ERBB4: variants seen among roughly 807,000 people sequenced by gnomAD.
The protein encoded by ERBB4 is erb-b2 receptor tyrosine kinase 4.
A neutral mutation model predicts 158.0 loss-of-function variants in ERBB4; 42 were observed. The ratio of observed to expected loss-of-function variants is 0.27; its 90% CI spans 0.21 to 0.34. ERBB4 has a LOEUF of 0.34. Among genes scored for constraint, ERBB4 ranks in the 10% least tolerant of loss-of-function variants. ERBB4 has a pLI of 1.00. For synonymous variants in ERBB4, 583 were observed against 558.7 expected (o/e 1.04, Z -0.61); for missense variants, 1,333 against 1,624.1 (o/e 0.82, Z 3.08).
chr2:211,716,593 G>A lies in ERBB4; in HGVS notation c.884-2945C>T, dbSNP rs1446927996. 4.7e-5 allele frequency among the ~76,000 whole-genome samples: 7 copies of A among 149,676 alleles called. No individual in the cohort carries two copies. In the East Asian group the frequency reaches 6.1e-4, roughly 13 times the overall value. On this transcript the variant is annotated intron_variant, in intron 7 of 27. Coordinates refer to ENST00000342788, the MANE Select transcript of ERBB4 (RefSeq NM_005235.3). ...CGGGAGGCTGAGGCAGGAGAATGGC[G>A]TGAACCCGGGAGGCGGAGCTTGCAG...
intron 2 of ERBB4, among the ~76,000 whole-genome samples, chr2:212,017,981 GACAACC>G (rs2076565961): frequency 1.3e-5 from 2 of 152,072 alleles, no homozygotes; most frequent in Admixed American, 1.3e-4. Flanking sequence ...CATCAAAGAG[GACAACC>G]ATATGGGAGA....
intron 19 of ERBB4, among the ~76,000 whole-genome samples, chr2:211,596,492 T>C (rs2068633132): frequency 6.6e-6 from 1 of 152,192 alleles, no homozygotes; most frequent in Non-Finnish European, 1.5e-5. Flanking sequence ...AAATGAAATA[T>C]ACACCTTAAC....
At chr2:212,449,308 C>A (rs544005245) in intron 1 of ERBB4, among the ~76,000 whole-genome samples, 1 of 152,012 alleles carries the variant, frequency 6.6e-6, no homozygotes, top group Non-Finnish European at 1.5e-5. Flanking sequence ...TTATTGCCAA[C>A]GATAAGTATC....
intron 1 of ERBB4, among the ~76,000 whole-genome samples, chr2:212,398,536 TA>T (rs765847694): frequency 2.6e-4 from 39 of 152,280 alleles, no homozygotes; most frequent in Admixed American, 3.3e-4. Context: ...ATTGTCACAA[TA>T]AGTTAAGAAT....
chr2:211,606,852 G>T (rs7559841), intron 19 of ERBB4, among the ~76,000 whole-genome samples: 5,103 of 152,170 alleles, frequency 0.034, 230 homozygotes, highest in African/African-American at 0.1. Context: ...TAAAGGCACT[G>T]GGTGCATTGT....
chr2:212,192,605 G>T (rs2082307085), intron 1 of ERBB4, among the ~76,000 whole-genome samples: 1 of 152,054 alleles, frequency 6.6e-6, no homozygotes, highest in African/African-American at 2.4e-5. Flanking sequence ...TAATGCCTTT[G>T]GTCTTAAGCC....
Position 212,538,791 on chromosome 2 carries a change from G to C in ERBB4, c.-261C>G, listed in dbSNP as rs1039934152. On this transcript the variant is annotated 5_prime_UTR_variant, in exon 1 of 28. Coordinates refer to ENST00000342788, the MANE Select transcript of ERBB4 (RefSeq NM_005235.3). ...GCTCGGTGTGTGCGCTTGGCGCTCT[G>C]GGCCGGACTGTGCAGCTATTTCCCC... is the stretch of plus-strand genomic sequence containing the variant. The C allele has an allele frequency of 5.6e-6, 2 of 360,190 alleles. No homozygotes were observed. Among genetic ancestry groups the C allele is most frequent in the Non-Finnish European group, 9.7e-6 (2 of 205,464 alleles). 22.3% of individuals were successfully genotyped at this position (360,190 alleles called of 1,614,324 possible).
chr2:212,474,849 A>C (rs1368514617), intron 1 of ERBB4, among the ~76,000 whole-genome samples: 1 of 49,728 alleles, frequency 2.0e-5, no homozygotes, highest in Non-Finnish European at 4.0e-5. Flanking sequence ...TTGTCAAGAC[A>C]AGGTCTTGCT....
chr2:211,427,755 A>G (rs1445155449), intron 22 of ERBB4, among the ~76,000 whole-genome samples: 1 of 152,022 alleles, frequency 6.6e-6, no homozygotes, highest in Non-Finnish European at 1.5e-5. Context: ...TATTTATTGT[A>G]TTCAGAGTTA....
chr2:212,180,375 C>T (rs184770216), intron 1 of ERBB4, among the ~76,000 whole-genome samples: 8 of 151,682 alleles, frequency 5.3e-5, no homozygotes, highest in African/African-American at 1.9e-4. Flanking sequence ...ACAATCATAG[C>T]GGATATATGA....
At chr2:212,158,840 A>G (rs989914478) in intron 1 of ERBB4, among the ~76,000 whole-genome samples, 1 of 152,056 alleles carries the variant, frequency 6.6e-6, no homozygotes, top group South Asian at 2.1e-4. Flanking sequence ...AATGCCTGTC[A>G]AAAAGCTAAG....
chr2:212,028,896 T>C (rs1214094798), intron 2 of ERBB4, among the ~76,000 whole-genome samples: 1 of 151,980 alleles, frequency 6.6e-6, no homozygotes, highest in Non-Finnish European at 1.5e-5. Context: ...CTAGAGTTAG[T>C]GAAGTAGGAG....
intron 2 of ERBB4, among the ~76,000 whole-genome samples, chr2:212,061,636 G>T (rs1005121069): frequency 4.0e-4 from 60 of 151,870 alleles, no homozygotes; most frequent in Admixed American, 2.0e-3. Context: ...TGATGGATAT[G>T]GGTGGGAACT....
chr2:212,240,664 A>AAAAAC (rs1559823336), intron 1 of ERBB4, among the ~76,000 whole-genome samples: 2 of 148,134 alleles, frequency 1.4e-5, no homozygotes, highest in Non-Finnish European at 3.0e-5. Context: ...AAAAAAAAAA[A>AAAAAC]AAACAGAAAA....
chr2:212,429,628 G>A (rs1265110362), intron 1 of ERBB4, among the ~76,000 whole-genome samples: 1 of 152,006 alleles, frequency 6.6e-6, no homozygotes, highest in Non-Finnish European at 1.5e-5. Flanking sequence ...TTTCAGGTAG[G>A]TCCTATTATT....
rs575988178 is a variant in ERBB4, at chr2:211,586,629, A to T, written c.2302-24541T>A. 3.3e-5 allele frequency among the ~76,000 whole-genome samples: 5 copies of T among 152,306 alleles called. No individual in the cohort carries two copies. In the South Asian group the frequency reaches 8.3e-4, roughly 25 times the overall value. On this transcript the variant is annotated intron_variant, in intron 19 of 27. Transcript: ENST00000342788. ...TCCTTTTACACATACCCCAGGGAAC[A>T]CATGGTGACTGGAAATGTAGGGATT...
chr2:212,366,660 A>G (rs1409907866), intron 1 of ERBB4, among the ~76,000 whole-genome samples: 1 of 151,700 alleles, frequency 6.6e-6, no homozygotes, highest in Admixed American at 6.6e-5. Flanking sequence ...CCAATAAAAC[A>G]TAAGATACAT....
At chr2:212,063,848 G>T (rs1006727856) in intron 2 of ERBB4, among the ~76,000 whole-genome samples, 11 of 152,100 alleles carry the variant, frequency 7.2e-5, no homozygotes, top group Admixed American at 2.0e-4. Context: ...ATTACTATTT[G>T]CCAGATGATC....
intron 20 of ERBB4, among the ~76,000 whole-genome samples, chr2:211,432,231 G>C (rs2063760401): frequency 6.6e-6 from 1 of 152,186 alleles, no homozygotes; most frequent in Non-Finnish European, 1.5e-5. Flanking sequence ...GCAGGACTTT[G>C]AAGGATTAAT....
Sources: allele counts gnomAD v4.1 joint callset (sites outside exome capture counted in the v4.1 genomes callset), GRCh38; gene constraint gnomAD v4.1.1; transcripts MANE v1.5; gene names NCBI Gene and HGNC (gene_info 2026-07-23, HGNC 2026-07-21).